Variants in SMOC2 observed in about 807,000 individuals in gnomAD.
SMOC2 encodes the protein SPARC-related modular calcium-binding protein 2.
SMOC2 carries 39 observed loss-of-function variants against 61.4 expected under a neutral mutation model. That is an observed-to-expected ratio of 0.64 (90% CI 0.49 to 0.83). The LOEUF is 0.83. Among genes scored for constraint, SMOC2 ranks in the 40% least tolerant of loss-of-function variants. SMOC2 has a pLI of 0.00. For synonymous variants in SMOC2, 247 were observed against 239.9 expected (o/e 1.03, Z -0.27); for missense variants, 556 against 592.9 (o/e 0.94, Z 0.65).
At chr6:168,613,103 C>T (rs926439825) in intron 9 of SMOC2, among the ~76,000 whole-genome samples, 1 of 152,174 alleles carries the variant, frequency 6.6e-6, no homozygotes, top group Non-Finnish European at 1.5e-5. Flanking sequence ...TCATTTCAGT[C>T]TACACTGGCA....
chr6:168,469,783 G>A (rs1410693488), intron 1 of SMOC2, among the ~76,000 whole-genome samples: 2 of 152,100 alleles, frequency 1.3e-5, no homozygotes, highest in Admixed American at 1.3e-4. Context: ...CGTTAGGAGT[G>A]CGTCCTCACC....
intron 9 of SMOC2, among the ~76,000 whole-genome samples, chr6:168,610,697 A>G (rs189580405): frequency 1.1e-4 from 16 of 152,338 alleles, no homozygotes; most frequent in African/African-American, 3.8e-4. Context: ...ACTTATTCAC[A>G]TCTTATGTAG....
At chr6:168,524,069 A>T (rs1327568536) in intron 2 of SMOC2, among the ~76,000 whole-genome samples, 2 of 152,144 alleles carry the variant, frequency 1.3e-5, no homozygotes, top group African/African-American at 4.8e-5. Context: ...AATGGCTTAG[A>T]GTGATATTGA....
At chr6:168,471,373 C>T (rs926613155) in intron 1 of SMOC2, among the ~76,000 whole-genome samples, 2 of 152,102 alleles carry the variant, frequency 1.3e-5, no homozygotes, top group African/African-American at 4.8e-5. Context: ...CTTCACCTGG[C>T]ATAATGGCCT....
At chr6:168,508,402 A>G (rs965842918) in intron 1 of SMOC2, among the ~76,000 whole-genome samples, 1 of 152,152 alleles carries the variant, frequency 6.6e-6, no homozygotes, top group Non-Finnish European at 1.5e-5. Context: ...TGACAGCCCT[A>G]TGTGACAATA....
intron 2 of SMOC2, among the ~76,000 whole-genome samples, chr6:168,514,576 A>C (rs1376430222): frequency 1.3e-5 from 2 of 152,222 alleles, no homozygotes; most frequent in Non-Finnish European, 2.9e-5. Flanking sequence ...TATAAATCTC[A>C]GCTATCTGTG....
At chr6:168,517,819 G>A (rs1156550001) in intron 2 of SMOC2, among the ~76,000 whole-genome samples, 1 of 150,000 alleles carries the variant, frequency 6.7e-6, no homozygotes, top group Admixed American at 6.6e-5. Flanking sequence ...GAAATGCAGG[G>A]GCCTGGGCGG....
chr6:168,445,361 C>G (rs1311369177), intron 1 of SMOC2, among the ~76,000 whole-genome samples: 4 of 152,140 alleles, frequency 2.6e-5, no homozygotes, highest in African/African-American at 9.7e-5. Flanking sequence ...GACCACAGAC[C>G]TGAAACAGTT....
chr6:168,624,097 G>T (rs141312931), intron 9 of SMOC2, among the ~76,000 whole-genome samples: 3 of 152,206 alleles, frequency 2.0e-5, no homozygotes, highest in Admixed American at 6.5e-5. Flanking sequence ...CAGTAACAGG[G>T]TCAACAACCA....
chr6:168,624,634 C>T (rs999283765), intron 9 of SMOC2, among the ~76,000 whole-genome samples: 1 of 149,884 alleles, frequency 6.7e-6, no homozygotes, highest in Non-Finnish European at 1.5e-5. Context: ...ACACAGACAA[C>T]AGTACAAATT....
intron 1 of SMOC2, among the ~76,000 whole-genome samples, chr6:168,468,065 T>G (rs190679855): frequency 6.6e-6 from 1 of 152,326 alleles, no homozygotes; most frequent in African/African-American, 2.4e-5. Context: ...ATAATTACCC[T>G]GTAATAAAAG....
intron 1 of SMOC2, among the ~76,000 whole-genome samples, chr6:168,497,789 G>A (rs1403111320): frequency 6.6e-6 from 1 of 152,164 alleles, no homozygotes; most frequent in Non-Finnish European, 1.5e-5. Flanking sequence ...TTACAACCAC[G>A]TTTTGCCCCC....
intron 7 of SMOC2, among the ~76,000 whole-genome samples, chr6:168,563,084 A>C (rs1056374903): frequency 6.6e-6 from 1 of 152,140 alleles, no homozygotes; most frequent in African/African-American, 2.4e-5. Flanking sequence ...GCAGCTGGGC[A>C]CCTGTGCCAC....
At chr6:168,565,404 T>C (rs961992035) in intron 7 of SMOC2, among the ~76,000 whole-genome samples, 1 of 152,152 alleles carries the variant, frequency 6.6e-6, no homozygotes, top group African/African-American at 2.4e-5. Context: ...CCCTCTGTGG[T>C]GTTCCCTCTG....
chr6:168,650,701 C>T lies in SMOC2; in HGVS notation c.928C>T (p.His310Tyr). ...TTCAGGTTGTCCGGGTGCCAAAAAG[C>T]ATGAGTTTCTGACCAGCGTTCTGGA... is the stretch of plus-strand genomic sequence containing the variant. Reference protein sequence around the residue: ...QLQGCPGAKKHEFLTSVLDAL... With the variant: ...QLQGCPGAKKYEFLTSVLDAL... Residue 310 changes from histidine (H) to tyrosine (Y), a missense_variant, in exon 10 of 13, where the codon CAT (histidine) becomes TAT (tyrosine). Physicochemically the swap from His to Tyr is moderately conservative, Grantham distance 83. Transcript: ENST00000356284. 2 of 1,613,822 alleles carry T rather than the reference C, an allele frequency of 1.2e-6. No homozygotes were observed. Among genetic ancestry groups the T allele is most frequent in the African/African-American group, 2.7e-5 (2 of 75,054 alleles).
intron 1 of SMOC2, among the ~76,000 whole-genome samples, chr6:168,470,141 C>T (rs562476085): frequency 6.6e-6 from 1 of 152,148 alleles, no homozygotes; most frequent in Non-Finnish European, 1.5e-5. Flanking sequence ...CAGGGCGGAG[C>T]CGGAACATGC....
chr6:168,645,658 G>A (rs938818659), intron 9 of SMOC2, among the ~76,000 whole-genome samples: 5 of 152,158 alleles, frequency 3.3e-5, no homozygotes, highest in African/African-American at 4.8e-5. Flanking sequence ...CCACCTCCAC[G>A]AAGTGACCCC....
rs139300428 is a variant in SMOC2 at position 168,468,484 on chromosome 6, A to T, written c.84+27030A>T. Among the ~76,000 whole-genome samples, 131 of 152,288 alleles carry T rather than the reference A, an allele frequency of 8.6e-4. 1 individual carries two copies. The highest frequency in any genetic ancestry group is 2.9e-3 in the African/African-American group (120 of 41,570). On this transcript the variant is annotated intron_variant, in intron 1 of 12. Transcript: ENST00000356284. ...CCCCACCGACTGCCTTCTCCCTGCCATGGGCAGTGGGCACCATTTAGAAAT... is the reference window on the plus strand; with the variant it reads ...CCCCACCGACTGCCTTCTCCCTGCCTTGGGCAGTGGGCACCATTTAGAAAT...
chr6:168,589,124 A>G (rs1785115131), intron 7 of SMOC2, among the ~76,000 whole-genome samples: 1 of 151,846 alleles, frequency 6.6e-6, no homozygotes, highest in Non-Finnish European at 1.5e-5. Flanking sequence ...GGGAGTAAAC[A>G]GAAAATAGCA....
Sources: gnomAD v4.1 joint callset for allele counts (sites outside exome capture counted in the v4.1 genomes callset) on GRCh38, gnomAD v4.1.1 for gene constraint, MANE v1.5 for transcripts, NCBI Gene and HGNC (gene_info 2026-07-23, HGNC 2026-07-21) for gene names.